VSNL1: variants seen among roughly 807,000 people sequenced by gnomAD.
VSNL1 encodes visinin like 1.
Under a neutral mutation model 20.4 loss-of-function variants are expected in VSNL1, and 6 were observed. The ratio of observed to expected loss-of-function variants is 0.29; its 90% CI spans 0.16 to 0.58. The LOEUF (loss-of-function observed/expected upper bound fraction) is 0.58, where lower values mean the gene tolerates loss of function less well. Among genes scored for constraint, VSNL1 ranks in the 20% least tolerant of loss-of-function variants. The pLI, the probability that VSNL1 is intolerant of heterozygous loss-of-function variation, is 0.90. For missense variants in VSNL1, 100 were observed against 234.5 expected, an observed-to-expected ratio of 0.43 and a Z score of 3.75; for synonymous variants, 93 against 86.4, an observed-to-expected ratio of 1.08 and a Z score of -0.42.
At chr2:17,593,379 T>C (rs55796764) in intron 2 of VSNL1, among the ~76,000 whole-genome samples, 16,704 of 152,174 alleles carry the variant, frequency 0.11, 1,186 homozygotes, top group African/African-American at 0.2. Context: ...AACACTAAGA[T>C]ATTAAAAAAG....
chr2:17,560,196 TC>T (rs1663780779), intron 1 of VSNL1, among the ~76,000 whole-genome samples: 2 of 14,968 alleles, frequency 1.3e-4, no homozygotes, highest in Non-Finnish European at 1.3e-3. Context: ...TAGGAAAACA[TC>T]ATATATATAT....
At chr2:17,611,542 A>G (rs1227499157) in intron 2 of VSNL1, among the ~76,000 whole-genome samples, 1 of 152,246 alleles carries the variant, frequency 6.6e-6, no homozygotes, top group Non-Finnish European at 1.5e-5. Flanking sequence ...CTGTGGGGAT[A>G]GGCTCCATCC....
Position 17,567,455 on chromosome 2 carries a change from T to A in VSNL1, c.-5-24615T>A, listed in dbSNP as rs1051015378. 2.1e-5 allele frequency: 3 copies of A among 145,990 alleles called. No homozygotes were observed. In the Admixed American group the frequency reaches 2.2e-4, roughly 11 times the overall value. The allele number at this position is 145,990 out of a possible 1,614,324, so 9.0% of individuals were successfully genotyped here. A position where few individuals can be genotyped will look rare whatever the true frequency, so the allele number is the denominator to read the frequency against. On this transcript the variant is annotated intron_variant, in intron 1 of 3. Coordinates refer to ENST00000295156, the MANE Select transcript of VSNL1 (RefSeq NM_003385.5). ...CCCCCTGCAAGCTCCGCCTCCCGAG[T>A]TCACTCCATTCTCCTGCCTCAGCCT...
At chr2:17,592,398 A>C (rs1664611117) in intron 2 of VSNL1, among the ~76,000 whole-genome samples, 162 bp downstream of exon 2, 2 of 152,210 alleles carry the variant, frequency 1.3e-5, no homozygotes, top group Non-Finnish European at 2.9e-5. Context: ...ATGCAAATGT[A>C]TATATGTTGT....
intron 2 of VSNL1, among the ~76,000 whole-genome samples, chr2:17,626,281 G>T (rs577424354): frequency 3.9e-5 from 6 of 152,320 alleles, no homozygotes; most frequent in African/African-American, 1.2e-4. Context: ...GCCGTAGCTA[G>T]CGAATCACAG....
At chr2:17,576,283 A>G (rs1446635783) in intron 1 of VSNL1, among the ~76,000 whole-genome samples, 3 of 152,206 alleles carry the variant, frequency 2.0e-5, no homozygotes, top group African/African-American at 7.2e-5. Flanking sequence ...CCACTCAGTT[A>G]ATGTGCCATG....
intron 1 of VSNL1, among the ~76,000 whole-genome samples, chr2:17,551,368 G>C (rs146009014): frequency 6.6e-6 from 1 of 152,256 alleles, no homozygotes; most frequent in Non-Finnish European, 1.5e-5. Flanking sequence ...ATTTAAATTA[G>C]ACTAAACTTT....
At chr2:17,600,925 G>A in intron 2 of VSNL1, among the ~76,000 whole-genome samples, 1 of 152,180 alleles carries the variant, frequency 6.6e-6, no homozygotes, top group Non-Finnish European at 1.5e-5. Context: ...TTATTATGGT[G>A]ATATTGTCTC....
chr2:17,589,281 G>A (rs1664545650), intron 1 of VSNL1, among the ~76,000 whole-genome samples: 1 of 152,154 alleles, frequency 6.6e-6, no homozygotes, highest in Non-Finnish European at 1.5e-5. Flanking sequence ...AAGACAGATT[G>A]GCAGAAAACG....
At chr2:17,603,242 C>T (rs1164668224) in intron 2 of VSNL1, among the ~76,000 whole-genome samples, 1 of 152,200 alleles carries the variant, frequency 6.6e-6, no homozygotes, top group Non-Finnish European at 1.5e-5. Context: ...AAATACACTT[C>T]TCACAGTTCT....
At chr2:17,551,896 T>TAAAAAAA (rs34475496) in intron 1 of VSNL1, among the ~76,000 whole-genome samples, 1 of 116,810 alleles carries the variant, frequency 8.6e-6, no homozygotes, top group Non-Finnish European at 1.7e-5. Flanking sequence ...GCAATTTTGT[T>TAAAAAAA]AAAAAAAAAA....
At chr2:17,602,585 A>T (rs868812118) in intron 2 of VSNL1, among the ~76,000 whole-genome samples, 2 of 152,036 alleles carry the variant, frequency 1.3e-5, no homozygotes, top group Non-Finnish European at 2.9e-5. Flanking sequence ...TCTACTAAAG[A>T]TATAAAAATT....
chr2:17,560,965 C>A (rs1572332697), intron 1 of VSNL1, among the ~76,000 whole-genome samples: 1 of 152,136 alleles, frequency 6.6e-6, no homozygotes, highest in Non-Finnish European at 1.5e-5. Flanking sequence ...GAGAACAAAT[C>A]TGTTTTCAAT....
intron 1 of VSNL1, among the ~76,000 whole-genome samples, chr2:17,554,396 G>C (rs865955120): frequency 2.0e-4 from 30 of 152,088 alleles, no homozygotes; most frequent in African/African-American, 7.2e-4. Context: ...TTCTAGCTTG[G>C]ATACCACCGA....
At chr2:17,638,049 G>T (rs1286835006) in intron 2 of VSNL1, among the ~76,000 whole-genome samples, 1 of 152,196 alleles carries the variant, frequency 6.6e-6, no homozygotes, top group African/African-American at 2.4e-5. Context: ...TCACTAGAAT[G>T]CATGCAGATG....
At chr2:17,573,013 G>C (rs1664117464) in intron 1 of VSNL1, among the ~76,000 whole-genome samples, 1 of 152,216 alleles carries the variant, frequency 6.6e-6, no homozygotes, top group East Asian at 1.9e-4. Context: ...CTACAGGACA[G>C]ACATAGTACT....
chr2:17,548,821 C>T (rs1350264143), intron 1 of VSNL1, among the ~76,000 whole-genome samples: 2 of 152,134 alleles, frequency 1.3e-5, no homozygotes, highest in Admixed American at 6.6e-5. Flanking sequence ...TCCTAGAAAG[C>T]GTGTGCTAAC....
chr2:17,601,430 G>A (rs956621388), intron 2 of VSNL1, among the ~76,000 whole-genome samples: 10 of 152,016 alleles, frequency 6.6e-5, no homozygotes, highest in African/African-American at 2.4e-4. Flanking sequence ...GAAGTCAGGA[G>A]TTTGAGACCA....
At chr2:17,635,180 C>A (rs1382543983) in intron 2 of VSNL1, among the ~76,000 whole-genome samples, 2 of 152,122 alleles carry the variant, frequency 1.3e-5, no homozygotes, top group African/African-American at 4.8e-5. Flanking sequence ...AGGGACTGGG[C>A]TGAAGGACAG....
Sources: allele counts gnomAD v4.1 joint callset (sites outside exome capture counted in the v4.1 genomes callset), GRCh38; gene constraint gnomAD v4.1.1; transcripts MANE v1.5; gene names NCBI Gene and HGNC (gene_info 2026-07-23, HGNC 2026-07-21).